CEP85L: variants seen among roughly 807,000 people sequenced by gnomAD.
The protein encoded by CEP85L is centrosomal protein 85L.
Under a neutral mutation model 100.3 loss-of-function variants are expected in CEP85L, and 60 were observed. The ratio of observed to expected loss-of-function variants is 0.60; its 90% CI spans 0.49 to 0.74. CEP85L has a LOEUF of 0.74. Among genes scored for constraint, CEP85L ranks in the 30% least tolerant of loss-of-function variants. The probability of loss-of-function intolerance (pLI) is 0.00; values close to 1 mark genes in which losing one functional copy is unlikely to be tolerated. For synonymous variants in CEP85L, 319 were observed against 322.7 expected (o/e 0.99, Z 0.12); for missense variants, 973 against 936.2 (o/e 1.04, Z -0.51).
upstream of CEP85L, chr6:118,651,915 G>T: frequency 2.0e-6 from 2 of 985,556 alleles, no homozygotes; most frequent in Non-Finnish European, 2.4e-6. Flanking sequence ...GTGAAGACAC[G>T]TGGAAGACCT....
chr6:118,659,853 C>T (rs1562345825), intron 1 of CEP85L, among the ~76,000 whole-genome samples: 1 of 152,222 alleles, frequency 6.6e-6, no homozygotes, highest in Non-Finnish European at 1.5e-5. Context: ...ATTTGTTCAG[C>T]TCCTGGGCCT....
Position 118,532,717 on chromosome 6 carries a change from C to T in CEP85L, c.1021-8797G>A, listed in dbSNP as rs1156797769. 2.6e-5 allele frequency among the ~76,000 whole-genome samples: 4 copies of T among 152,070 alleles called. No individual in the cohort carries two copies. The East Asian group carries it at 7.7e-4, about 29-fold the overall frequency. ...GTAAGTCTACTCCTAAAATGAAGTA[C>T]TGATTTTTTGGATGGTTTCTACCTA... On this transcript the variant is annotated intron_variant, in intron 3 of 12. Coordinates refer to ENST00000368491, the MANE Select transcript of CEP85L (RefSeq NM_001042475.3).
intron 2 of CEP85L, among the ~76,000 whole-genome samples, chr6:118,603,364 A>G (rs983083933): frequency 2.0e-5 from 3 of 152,246 alleles, no homozygotes; most frequent in African/African-American, 7.2e-5. Context: ...TTAATTTCTT[A>G]AAGGAAAACA....
chr6:118,501,837 C>A, intron 5 of CEP85L: 1 of 1,293,218 alleles, frequency 7.7e-7, no homozygotes, highest in Non-Finnish European at 1.1e-6. Context: ...AGAGAGGACT[C>A]TGGAGATGCC....
intron 2 of CEP85L, among the ~76,000 whole-genome samples, chr6:118,572,955 G>A (rs903321959): frequency 9.2e-5 from 14 of 152,044 alleles, no homozygotes; most frequent in Middle Eastern, 3.2e-3. Context: ...CCAGCTACTC[G>A]GGAGGCTGAG....
At chr6:118,554,704 C>A (rs1221154892) in intron 3 of CEP85L, among the ~76,000 whole-genome samples, 1 of 152,146 alleles carries the variant, frequency 6.6e-6, no homozygotes, top group Non-Finnish European at 1.5e-5. Flanking sequence ...AGGTGACAAC[C>A]AATTCCACCT....
intron 2 of CEP85L, among the ~76,000 whole-genome samples, chr6:118,593,148 G>C (rs1400049267): frequency 1.3e-5 from 2 of 152,102 alleles, no homozygotes; most frequent in African/African-American, 4.8e-5. Context: ...TTCAAAATTA[G>C]TAGTTGCCTA....
At chr6:118,707,881 T>TA (rs1777647027) in intron 1 of CEP85L, among the ~76,000 whole-genome samples, 1 of 147,128 alleles carries the variant, frequency 6.8e-6, no homozygotes, top group South Asian at 2.1e-4. Flanking sequence ...AACATTGCAA[T>TA]ATCACTTTAT....
chr6:118,559,214 T>G (rs906784595), intron 3 of CEP85L: 12 of 783,640 alleles, frequency 1.5e-5, no homozygotes, highest in Non-Finnish European at 2.8e-5. Flanking sequence ...AAGGTCAAGA[T>G]TAAGACTAAA....
rs561933034 is a variant in CEP85L, at chr6:118,600,816, T to C, written c.232+31637A>G. 3.7e-5 allele frequency among the ~76,000 whole-genome samples: 5 copies of C among 136,026 alleles called. No homozygotes were observed. The South Asian group carries it at 1.2e-3, about 32-fold the overall frequency. The allele number at this position is 136,026 out of a possible 152,430, so 89.2% of individuals were successfully genotyped here. A position where few individuals can be genotyped will look rare whatever the true frequency, so the allele number is the denominator to read the frequency against. On this transcript the variant is annotated intron_variant, in intron 2 of 12. Transcript: ENST00000368491. The stretch of plus-strand genomic sequence containing the variant: ...TTGTCTTTTTTAAAAAAAAAAAAAA[T>C]CTTGAGTTTTAGTGGGATGCCATAA...
chr6:118,489,189 C>T (rs541517837), intron 6 of CEP85L, among the ~76,000 whole-genome samples: 1 of 151,578 alleles, frequency 6.6e-6, no homozygotes, highest in East Asian at 1.9e-4. Context: ...ATCACTTGAA[C>T]CCAGGAGGCA....
chr6:118,560,257 A>G (rs1779146005), intron 3 of CEP85L: 1 of 167,082 alleles, frequency 6.0e-6, no homozygotes, highest in African/African-American at 2.4e-5. Flanking sequence ...CCTACTATTG[A>G]CCATAAACCT....
chr6:118,624,622 C>T (rs914811509), intron 2 of CEP85L, among the ~76,000 whole-genome samples: 15 of 152,192 alleles, frequency 9.9e-5, no homozygotes, highest in African/African-American at 3.4e-4. Flanking sequence ...GGGTTTACTA[C>T]CCACACCTAT....
intron 1 of CEP85L, among the ~76,000 whole-genome samples, chr6:118,635,090 A>G (rs1047223562): frequency 2.0e-5 from 3 of 152,210 alleles, no homozygotes; most frequent in African/African-American, 7.2e-5. Context: ...CAAACTGGAA[A>G]GTGGTATCTA....
intron 1 of CEP85L, among the ~76,000 whole-genome samples, chr6:118,675,825 A>T (rs1776464707): frequency 6.6e-6 from 1 of 152,216 alleles, no homozygotes; most frequent in African/African-American, 2.4e-5. Context: ...AAATCAGTGA[A>T]TTTGAAGAAT....
intron 3 of CEP85L, chr6:118,559,494 CTAAG>C (rs928128896): frequency 4.5e-6 from 1 of 220,506 alleles, no homozygotes. Flanking sequence ...TTCTTTAATA[CTAAG>C]TATTTTTCAG....
At position 118,463,808 on chromosome 6, in the gene CEP85L, T is replaced by C. The variant is rs1405853658; in HGVS notation, c.*1597A>G. Reference sequence around the variant, plus strand: ...CAACTATAACTATAAAATAATCTATTGAGAGCTGTATAGCCAACATTTTAA... The same window carrying C: ...CAACTATAACTATAAAATAATCTATCGAGAGCTGTATAGCCAACATTTTAA... On this transcript the variant is annotated 3_prime_UTR_variant, in exon 13 of 13. Transcript: ENST00000368491. The C allele has an allele frequency of 6.6e-6, 1 of 152,098 alleles. No homozygotes were observed. Among genetic ancestry groups the C allele is most frequent in the African/African-American group, 2.4e-5 (1 of 41,452 alleles). 9.4% of individuals were successfully genotyped at this position (152,098 alleles called of 1,614,324 possible).
intron 5 of CEP85L, 24 bp downstream of exon 5, chr6:118,511,274 C>G: frequency 6.9e-7 from 1 of 1,442,726 alleles, no homozygotes; most frequent in East Asian, 2.3e-5. Context: ...ACTAAAACAG[C>G]TACAAAATCC....
chr6:118,653,753 G>A (rs1052980709), upstream of CEP85L, among the ~76,000 whole-genome samples: 52 of 133,322 alleles, frequency 3.9e-4, no homozygotes, highest in African/African-American at 1.2e-3. Flanking sequence ...CTGTGTATGT[G>A]TGTGTGTGTG....
Sources: allele counts gnomAD v4.1 joint callset (sites outside exome capture counted in the v4.1 genomes callset), GRCh38; gene constraint gnomAD v4.1.1; transcripts MANE v1.5; gene names NCBI Gene and HGNC (gene_info 2026-07-23, HGNC 2026-07-21).